RIT2: variants seen among roughly 807,000 people sequenced by gnomAD.
The protein encoded by RIT2 is GTP-binding protein Rit2.
A neutral mutation model predicts 23.7 loss-of-function variants in RIT2; 24 were observed. That is an observed-to-expected ratio of 1.01 (90% CI 0.73 to 1.43). The LOEUF (loss-of-function observed/expected upper bound fraction) is 1.43. Among genes scored for constraint, RIT2 ranks in the 40% most tolerant of loss-of-function variants. The probability of loss-of-function intolerance (pLI) is 0.00; values close to 1 mark genes in which losing one functional copy is unlikely to be tolerated. For synonymous variants in RIT2, 107 were observed against 91.1 expected, an observed-to-expected ratio of 1.17 and a Z score of -0.99; for missense variants, 236 against 266.9, an observed-to-expected ratio of 0.88 and a Z score of 0.81.
chr18:43,026,270 G>A (rs1168805632), intron 2 of RIT2, among the ~76,000 whole-genome samples: 1 of 151,852 alleles, frequency 6.6e-6, no homozygotes, highest in East Asian at 1.9e-4. Context: ...AGATAAGAAA[G>A]GTTGGCCGGG....
At chr18:42,959,042 T>C (rs1910039768) in intron 3 of RIT2, among the ~76,000 whole-genome samples, 1 of 152,188 alleles carries the variant, frequency 6.6e-6, no homozygotes, top group Admixed American at 6.5e-5. Context: ...AGGTTCCCTA[T>C]GCACAGTTGC....
At chr18:42,926,903 G>C (rs539747173) in intron 3 of RIT2, among the ~76,000 whole-genome samples, 9 of 151,982 alleles carry the variant, frequency 5.9e-5, no homozygotes, top group African/African-American at 1.9e-4. Context: ...CTCTAGGACT[G>C]TTACTTACTT....
intron 2 of RIT2, among the ~76,000 whole-genome samples, chr18:43,026,027 C>T (rs1290842975): frequency 6.6e-6 from 1 of 151,900 alleles, no homozygotes; most frequent in Non-Finnish European, 1.5e-5. Context: ...AAATAAGCTG[C>T]AAAGTGAGGC....
At position 42,869,018 on chromosome 18, in the gene RIT2, T is replaced by A. The variant is rs529502193; in HGVS notation, c.426+54554A>T. 1.1e-4 allele frequency among the ~76,000 whole-genome samples: 16 copies of A among 152,356 alleles called. No homozygotes were observed. In the South Asian group the frequency reaches 2.9e-3, roughly 28 times the overall value. ...TCCAGTTGGTGAATTCTGCCCCAGATGGAATCCCAAATATATTTAAACGCA... is the reference window on the plus strand; with the variant it reads ...TCCAGTTGGTGAATTCTGCCCCAGAAGGAATCCCAAATATATTTAAACGCA... On this transcript the variant is annotated intron_variant, in intron 4 of 4. Transcript: ENST00000326695.
In RIT2 at chr18:42,800,518, CT is replaced by C. The variant is rs147481524; in HGVS notation, c.427-56799del. Reference sequence around the variant, plus strand: ...TCCATTTGTTTGAAGCAGTTACATTCTTTTTTTTTTTTTTTTTTCTTTTAGA... The same window carrying C: ...TCCATTTGTTTGAAGCAGTTACATTCTTTTTTTTTTTTTTTTTCTTTTAGA... On this transcript the variant is annotated intron_variant, in intron 4 of 4. Coordinates refer to ENST00000326695, the MANE Select transcript of RIT2 (RefSeq NM_002930.4). Among the ~76,000 whole-genome samples, 27 of 144,466 alleles carry C rather than the reference CT, an allele frequency of 1.9e-4. 3 individuals are homozygous for C. The highest frequency in any genetic ancestry group is 2.8e-4 in the Admixed American group (4 of 14,406). 94.8% of individuals were successfully genotyped at this position (144,466 alleles called of 152,430 possible). A position where few individuals can be genotyped will look rare whatever the true frequency, so the allele number is the denominator to read the frequency against.
At chr18:42,774,920 A>T (rs1022055990) in intron 4 of RIT2, among the ~76,000 whole-genome samples, 1 of 152,186 alleles carries the variant, frequency 6.6e-6, no homozygotes, top group Non-Finnish European at 1.5e-5. Flanking sequence ...ATGATTGCAG[A>T]GATTGAGACT....
At chr18:43,018,989 A>G (rs574918846) in intron 2 of RIT2, among the ~76,000 whole-genome samples, 95 of 152,180 alleles carry the variant, frequency 6.2e-4, no homozygotes, top group African/African-American at 2.2e-3. Context: ...AACAAATAAT[A>G]TACAAAACAA....
chr18:42,808,672 G>T (rs1475483937), intron 4 of RIT2, among the ~76,000 whole-genome samples: 1 of 151,924 alleles, frequency 6.6e-6, no homozygotes, highest in East Asian at 1.9e-4. Context: ...TCTTTGTTCA[G>T]CAGAGTTTCC....
At chr18:42,895,397 A>G (rs1908300785) in intron 4 of RIT2, among the ~76,000 whole-genome samples, 2 of 152,220 alleles carry the variant, frequency 1.3e-5, no homozygotes, top group Admixed American at 1.3e-4. Context: ...CTGAAAATGA[A>G]ACATTTTATA....
chr18:42,991,690 C>T (rs916976660), intron 2 of RIT2, among the ~76,000 whole-genome samples: 6 of 152,064 alleles, frequency 3.9e-5, no homozygotes, highest in South Asian at 2.1e-4. Context: ...TAACTGATGA[C>T]ATTATCTTGT....
chr18:43,094,810 G>A (rs1272085102), intron 1 of RIT2, among the ~76,000 whole-genome samples: 1 of 152,012 alleles, frequency 6.6e-6, no homozygotes, highest in Non-Finnish European at 1.5e-5. Flanking sequence ...AACATGTGGT[G>A]TTTGGTTTTC....
intron 4 of RIT2, among the ~76,000 whole-genome samples, chr18:42,818,524 G>A (rs1906059602): frequency 6.6e-6 from 1 of 152,032 alleles, no homozygotes; most frequent in African/African-American, 2.4e-5. Context: ...CTAAGTCTTT[G>A]CAGAGGTCAT....
chr18:43,063,427 A>G (rs1285715637), intron 1 of RIT2, among the ~76,000 whole-genome samples: 1 of 152,158 alleles, frequency 6.6e-6, no homozygotes, highest in Non-Finnish European at 1.5e-5. Flanking sequence ...ATATAAACCC[A>G]ATAACTTTCC....
chr18:42,861,036 TCTTTA>T (rs1907313660), intron 4 of RIT2, among the ~76,000 whole-genome samples: 1 of 152,212 alleles, frequency 6.6e-6, no homozygotes, highest in Non-Finnish European at 1.5e-5. Context: ...AGATGCAGCT[TCTTTA>T]CTTTGTTTAT....
At chr18:42,975,595 T>A (rs1393676700) in intron 2 of RIT2, among the ~76,000 whole-genome samples, 1 of 151,980 alleles carries the variant, frequency 6.6e-6, no homozygotes, top group Admixed American at 6.6e-5. Flanking sequence ...AAGGCCAAAT[T>A]TTAATATAGC....
rs375346509 is a variant in RIT2, at chr18:42,906,886, C to T, written c.426+16686G>A. Among the ~76,000 whole-genome samples, 86 of 152,236 alleles carry T rather than the reference C, an allele frequency of 5.6e-4. 1 individual carries two copies. The South Asian group carries it at 0.017, about 30-fold the overall frequency. Reference sequence around the variant, plus strand: ...ACACTCAAGGCCTAGACTAGCCAACCGTCCTGCCTATTGTCTTTCTCTCAT... The same window carrying T: ...ACACTCAAGGCCTAGACTAGCCAACTGTCCTGCCTATTGTCTTTCTCTCAT... On this transcript the variant is annotated intron_variant, in intron 4 of 4. Coordinates refer to ENST00000326695, the MANE Select transcript of RIT2 (RefSeq NM_002930.4).
chr18:42,909,531 AATACAAT>A (rs1321507874), intron 4 of RIT2, among the ~76,000 whole-genome samples: 1 of 152,114 alleles, frequency 6.6e-6, no homozygotes, highest in African/African-American at 2.4e-5. Context: ...AAATCACCCT[AATACAAT>A]AAAACAATTT....
intron 4 of RIT2, among the ~76,000 whole-genome samples, chr18:42,779,475 C>T (rs1913755294): frequency 6.6e-6 from 1 of 152,126 alleles, no homozygotes; most frequent in Admixed American, 6.6e-5. Context: ...AAAAATCTCC[C>T]AGCTTTTTTT....
chr18:43,091,321 A>T (rs947604652), intron 1 of RIT2, among the ~76,000 whole-genome samples: 1 of 152,106 alleles, frequency 6.6e-6, no homozygotes, highest in Non-Finnish European at 1.5e-5. Flanking sequence ...AACAAATGGC[A>T]ATCTTAAGAC....
Sources: allele counts gnomAD v4.1 joint callset (sites outside exome capture counted in the v4.1 genomes callset), GRCh38; gene constraint gnomAD v4.1.1; transcripts MANE v1.5; gene names NCBI Gene and HGNC (gene_info 2026-07-23, HGNC 2026-07-21).